Variants in STAG3 observed in about 807,000 individuals in gnomAD.
The protein encoded by STAG3 is STAG3 cohesin complex component.
Under a neutral mutation model 160.7 loss-of-function variants are expected in STAG3, and 101 were observed. The observed-to-expected ratio is 0.63, with a 90% CI of 0.54 to 0.74. The LOEUF is 0.74. Among genes scored for constraint, STAG3 ranks in the 30% least tolerant of loss-of-function variants. STAG3 has a pLI of 0.00. For missense variants in STAG3, 1,188 were observed against 1,517.4 expected (o/e 0.78, Z 3.61); for synonymous variants, 519 against 585.0 (o/e 0.89, Z 1.63).
chr7:100,214,199 A>T lies in STAG3; in HGVS notation c.*184A>T. ...CCCTCTGGGGTAGAGAAGCCGAGAG[A>T]CCCTGTCCTCCCTAATGCACTGTGG... On this transcript the variant is annotated 3_prime_UTR_variant, in exon 34 of 34. Coordinates refer to ENST00000615138, the MANE Select transcript of STAG3 (RefSeq NM_001282717.2). The T allele has an allele frequency of 1.3e-6, 1 of 790,128 alleles. No homozygotes were observed. The highest frequency in any genetic ancestry group is 2.7e-5 in the Admixed American group (1 of 37,638). 48.9% of individuals were successfully genotyped at this position (790,128 alleles called of 1,614,324 possible). A position where few individuals can be genotyped will look rare whatever the true frequency, so the allele number is the denominator to read the frequency against.
At position 100,184,265 on chromosome 7, in the gene STAG3, C is replaced by CA. The variant is rs1045041428; in HGVS notation, c.336+1439dup. Among the ~76,000 whole-genome samples, 216 of 117,206 alleles carry CA rather than the reference C, an allele frequency of 1.8e-3. 1 individual carries two copies. Among genetic ancestry groups the CA allele is most frequent in the Admixed American group, 0.01 (116 of 11,590 alleles). The allele number at this position is 117,206 out of a possible 152,430, so 76.9% of individuals were successfully genotyped here. A position where few individuals can be genotyped will look rare whatever the true frequency, so the allele number is the denominator to read the frequency against. On this transcript the variant is annotated intron_variant, in intron 4 of 33. Coordinates refer to ENST00000615138, the MANE Select transcript of STAG3 (RefSeq NM_001282717.2). ...TGGATGACAGAGTGAGACTCTGTCT[C>CA]AAAAAAAAAAAAAGAAAGAAATTTA...
At chr7:100,180,351 T>A (rs892561552) in intron 1 of STAG3, 142 bp from the exon 2 acceptor site, 1 of 502,776 alleles carries the variant, frequency 2.0e-6, no homozygotes, top group African/African-American at 1.9e-5. Context: ...TGAGCCACGG[T>A]GCCCAGCCTT....
At position 100,205,256 on chromosome 7, in the gene STAG3, A is replaced by T; in HGVS notation, c.3110A>T (p.His1037Leu). The change falls in exon 29 of 34, where the codon CAT becomes CTT. Residue 1037 changes from histidine to leucine, a missense_variant. This residue lies in a region of STAG3 where 647 missense variants were observed against 717.2 expected (regional missense o/e 0.90). Coordinates refer to ENST00000615138, the MANE Select transcript of STAG3 (RefSeq NM_001282717.2). The part of the protein sequence containing the change: ...LLSYLEKCLQ[H>L]VSQAPGHPWG... The stretch of plus-strand genomic sequence containing the variant: ...TCCTATCTAGAAAAGTGCCTGCAGC[A>T]TGTCTCCCAGGCACCTGGCCATCCC... The T allele has an allele frequency of 1.2e-6, 2 of 1,614,112 alleles. No individual in the cohort carries two copies. Among genetic ancestry groups the T allele is most frequent in the Admixed American group, 1.7e-5 (1 of 60,024 alleles).
At chr7:100,187,335 TG>T (rs778800405) in intron 5 of STAG3, among the ~76,000 whole-genome samples, 69 of 152,020 alleles carry the variant, frequency 4.5e-4, no homozygotes, top group Admixed American at 2.0e-3. Context: ...TTTTTTGGTT[TG>T]TTTTTTTTTT....
At chr7:100,199,107 C>G (rs1800891369) in intron 14 of STAG3, 150 bp downstream of exon 14, 1 of 879,210 alleles carries the variant, frequency 1.1e-6, no homozygotes, top group Non-Finnish European at 1.9e-6. Context: ...CTGGGCAACA[C>G]AGTGAGACCC....
intron 32 of STAG3, chr7:100,213,198 G>A: frequency 1.8e-6 from 1 of 548,532 alleles, no homozygotes; most frequent in Non-Finnish European, 2.3e-6. Context: ...CCATCCATGA[G>A]GGCTGCACCC....
Position 100,209,806 on chromosome 7 carries a change from G to C in STAG3, c.3239-1205G>C, listed in dbSNP as rs529424384. On this transcript the variant is annotated intron_variant, in intron 29 of 33. Transcript: ENST00000615138. The stretch of plus-strand genomic sequence containing the variant: ...CTGGATGTGGGATGTAAGACAAAAA[G>C]AGCAGTTGAGGATGGCTCCAAGGAT... Among the ~76,000 whole-genome samples, 9 of 152,332 alleles carry C rather than the reference G, an allele frequency of 5.9e-5. No homozygotes were observed. The South Asian group carries it at 1.9e-3, about 32-fold the overall frequency.
At chr7:100,189,115 C>T (rs1171970667) in intron 7 of STAG3, 99 bp downstream of exon 7, 2 of 1,359,918 alleles carry the variant, frequency 1.5e-6, no homozygotes, top group Non-Finnish European at 2.1e-6. Flanking sequence ...CATCTTGGCT[C>T]TTCACTTCAA....
Position 100,211,847 on chromosome 7 carries a change from T to C in STAG3, c.3571T>C (p.Ser1191Pro). Residue 1191 changes from serine (S) to proline (P), a missense_variant, in exon 32 of 34, where the codon TCA becomes CCA. Around this residue, in one of 4 missense-constraint regions of STAG3, gnomAD observed 647 missense variants for 717.2 expected, o/e 0.90. Transcript: ENST00000615138. ...AGAAGAGTTAGAAATCCAGGATGAG[T>C]CAAATGAAGAACGGCAGGATACAGA... The part of the protein sequence containing the change: ...EEEELEIQDE[S>P]NEERQDTDMQ... The C allele has an allele frequency of 6.2e-7, 1 of 1,613,588 alleles. No homozygotes were observed. The highest frequency in any genetic ancestry group is 8.5e-7 in the Non-Finnish European group (1 of 1,179,916).
chr7:100,201,462 C>A (rs1016574999), intron 21 of STAG3, 111 bp downstream of exon 21: 1 of 929,264 alleles, frequency 1.1e-6, no homozygotes, highest in Non-Finnish European at 1.7e-6. Flanking sequence ...GTGGACAAAG[C>A]GAGGAAGATC....
In STAG3 at chr7:100,202,215, A is replaced by G; in HGVS notation, c.2438A>G (p.Gln813Arg). Residue 813 changes from glutamine (Q) to arginine (R), a missense_variant, in exon 24 of 34, where the codon CAG becomes CGG. Coordinates refer to ENST00000615138, the MANE Select transcript of STAG3 (RefSeq NM_001282717.2). ...GATCTACTTCTCATCTTTAGCCCTCAGATGATTGTTGGGGGCCGTGATTTC... is the reference window on the plus strand; with the variant it reads ...GATCTACTTCTCATCTTTAGCCCTCGGATGATTGTTGGGGGCCGTGATTTC... ...LSDLLLIFSP[Q>R]MIVGGRDFLR... 1 of 1,614,086 alleles carries G rather than the reference A, an allele frequency of 6.2e-7. No individual in the cohort carries two copies. The highest frequency in any genetic ancestry group is 1.1e-5 in the South Asian group (1 of 91,064).
At chr7:100,205,480 C>A in intron 29 of STAG3, 96 bp downstream of exon 29, 1 of 1,226,718 alleles carries the variant, frequency 8.2e-7, no homozygotes, top group Non-Finnish European at 1.1e-6. Context: ...CATCTACTGT[C>A]ATTCAGGGTA....
intron 4 of STAG3, among the ~76,000 whole-genome samples, chr7:100,184,036 C>T (rs975664131): frequency 3.9e-5 from 6 of 152,076 alleles, no homozygotes; most frequent in Non-Finnish European, 8.8e-5. Context: ...GAGGCTGAGG[C>T]GGGCAGATCA....
At chr7:100,185,623 GAAAA>G (rs1003448446) in intron 4 of STAG3, among the ~76,000 whole-genome samples, 7 of 147,650 alleles carry the variant, frequency 4.7e-5, no homozygotes, top group Non-Finnish European at 7.5e-5. Context: ...AAAAGGAAAA[GAAAA>G]AAAAAGATTA....
intron 9 of STAG3, among the ~76,000 whole-genome samples, chr7:100,196,135 A>C (rs185210994): frequency 6.6e-6 from 1 of 151,524 alleles, no homozygotes; most frequent in East Asian, 1.9e-4. Context: ...ATCTCAAAAA[A>C]AGAAAAAAAA....
chr7:100,208,215 T>C (rs544055155), intron 29 of STAG3, among the ~76,000 whole-genome samples: 8 of 152,310 alleles, frequency 5.3e-5, no homozygotes, highest in Admixed American at 5.2e-4. Flanking sequence ...GTGATTTCCT[T>C]TTGTTGTCTT....
chr7:100,214,391 A>C, downstream of STAG3: 1 of 276,098 alleles, frequency 3.6e-6, no homozygotes, highest in Non-Finnish European at 6.9e-6. Flanking sequence ...ACACGTTCCC[A>C]AGGTGTGGCT....
intron 17 of STAG3, 53 bp downstream of exon 17, chr7:100,200,381 C>T (rs1045678861): frequency 1.9e-6 from 3 of 1,612,200 alleles, no homozygotes; most frequent in Non-Finnish European, 1.7e-6. Context: ...AAGGAAATGG[C>T]CTCTGTGGGG....
intron 1 of STAG3, among the ~76,000 whole-genome samples, chr7:100,179,926 G>A (rs1353379183): frequency 6.6e-6 from 1 of 152,160 alleles, no homozygotes; most frequent in South Asian, 2.1e-4. Context: ...GTAGAAATGG[G>A]GTTTCTCCAT....
Sources: gnomAD v4.1 joint callset for allele counts (sites outside exome capture counted in the v4.1 genomes callset) on GRCh38, gnomAD v4.1.1 for gene constraint, gnomAD v4.1.1 regional missense constraint, MANE v1.5 for transcripts, NCBI Gene and HGNC (gene_info 2026-07-23, HGNC 2026-07-21) for gene names.